Variants in PLA2G4E observed in about 807,000 individuals in gnomAD.
PLA2G4E encodes phospholipase A2 group IVE, also known as cytosolic phospholipase A2 epsilon.
In PLA2G4E, 84 loss-of-function variants were observed where a neutral mutation model predicts 109.1. That is an observed-to-expected ratio of 0.77 (90% CI 0.65 to 0.92). PLA2G4E has a LOEUF of 0.92. PLA2G4E is among the 40% of genes least tolerant of loss of function. PLA2G4E has a pLI of 0.00. For synonymous variants in PLA2G4E, 469 were observed against 436.1 expected, an observed-to-expected ratio of 1.08 and a Z score of -0.94; for missense variants, 1,057 against 1,076.6, an observed-to-expected ratio of 0.98 and a Z score of 0.25.
chr15:42,036,880 T>C (rs1013156373), intron 1 of PLA2G4E, among the ~76,000 whole-genome samples: 1 of 152,168 alleles, frequency 6.6e-6, no homozygotes, highest in Non-Finnish European at 1.5e-5. Context: ...CCCCCCGGCC[T>C]TGCAGGCTTG....
At chr15:42,049,966 T>C (rs72727731) in intron 1 of PLA2G4E, among the ~76,000 whole-genome samples, 24,772 of 152,208 alleles carry the variant, frequency 0.16, 2,054 homozygotes, top group Middle Eastern at 0.22. Flanking sequence ...ATTGCGTATT[T>C]GCTCATAGGT....
intron 2 of PLA2G4E, among the ~76,000 whole-genome samples, chr15:42,011,790 C>T (rs555242037): frequency 3.9e-4 from 60 of 152,196 alleles, no homozygotes; most frequent in African/African-American, 1.3e-3. Context: ...AAGGTAAGCA[C>T]TGCTGTGGAT....
intron 2 of PLA2G4E, among the ~76,000 whole-genome samples, 194 bp downstream of exon 2, chr15:42,013,491 A>G (rs1566844421): frequency 6.6e-6 from 1 of 152,352 alleles, no homozygotes; most frequent in East Asian, 1.9e-4. Context: ...AGAAACCCCA[A>G]AGTCTGAACT....
intron 3 of PLA2G4E, 45 bp from the exon 4 acceptor site, chr15:42,006,166 T>G: frequency 6.2e-7 from 1 of 1,608,634 alleles, no homozygotes. Flanking sequence ...ACGGTTGCAT[T>G]GACCCCTTCC....
intron 6 of PLA2G4E, 26 bp from the exon 7 acceptor site, chr15:42,001,246 G>C (rs765118141): frequency 1.9e-6 from 3 of 1,594,054 alleles, no homozygotes; most frequent in South Asian, 2.2e-5. Context: ...GAGGGTCACA[G>C]AGTGTCTGAG....
At chr15:42,037,335 C>T (rs1889235181) in intron 1 of PLA2G4E, among the ~76,000 whole-genome samples, 1 of 152,228 alleles carries the variant, frequency 6.6e-6, no homozygotes, top group Non-Finnish European at 1.5e-5. Flanking sequence ...TTCCTCCCCT[C>T]GAAGCCCTGG....
At chr15:42,003,581 G>C (rs1486031772) in intron 5 of PLA2G4E, among the ~76,000 whole-genome samples, 1 of 152,214 alleles carries the variant, frequency 6.6e-6, no homozygotes, top group African/African-American at 2.4e-5. Flanking sequence ...GGAGAGCTTC[G>C]ATTTTCTTCA....
intron 4 of PLA2G4E, 110 bp from the exon 5 acceptor site, chr15:42,005,088 C>A (rs903898320): frequency 1.1e-5 from 14 of 1,280,498 alleles, no homozygotes; most frequent in Non-Finnish European, 1.3e-5. Context: ...GTCCTTCCCC[C>A]ACAGCTGCCT....
At chr15:42,047,468 G>T (rs1384537283) in intron 1 of PLA2G4E, among the ~76,000 whole-genome samples, 1 of 152,122 alleles carries the variant, frequency 6.6e-6, no homozygotes, top group Non-Finnish European at 1.5e-5. Context: ...AAAACGACAT[G>T]AATTCATCCA....
At chr15:42,007,864 C>G (rs1339473530) in exon 3 of PLA2G4E, 1 of 1,600,432 alleles carries the variant, frequency 6.2e-7, no homozygotes, top group African/African-American at 1.3e-5. Flanking sequence ...CTGTCTGGCT[C>G]ACTGTCCAAG....
rs199941779 is a variant in PLA2G4E at position 41,987,267 on chromosome 15, G to A, written c.1940C>T (p.Thr647Ile). 9.8e-5 allele frequency: 158 copies of A among 1,613,886 alleles called. No individual in the cohort carries two copies. Among genetic ancestry groups the A allele is most frequent in the Non-Finnish European group, 1.2e-4 (143 of 1,179,886 alleles). The stretch of plus-strand genomic sequence containing the variant: ...AAACTCAGACACGAAGGACCGATGG[G>A]TAAGGATTTCTCGGAAAGAATTGGA... The change falls in exon 17 of 20, where the codon ACC becomes ATC. Residue 647 changes from threonine to isoleucine, a missense_variant. Thr to Ile is a moderately conservative substitution (Grantham distance 89). Transcript: ENST00000399518.
intron 2 of PLA2G4E, chr15:42,009,098 T>C (rs1595567499): frequency 6.6e-6 from 1 of 152,148 alleles, no homozygotes; most frequent in East Asian, 1.9e-4. Flanking sequence ...ACAGCCCTCC[T>C]CCTATTGAAG....
intron 11 of PLA2G4E, among the ~76,000 whole-genome samples, chr15:41,996,350 GAAAAAAAA>G (rs34559872): frequency 0.2 from 15,390 of 75,342 alleles, 1,322 homozygotes; most frequent in South Asian, 0.3. Flanking sequence ...CCTGTCTCAA[GAAAAAAAA>G]AAAAAAAAAA....
chr15:41,991,260 C>CCAAA, intron 13 of PLA2G4E, among the ~76,000 whole-genome samples: 1 of 152,336 alleles, frequency 6.6e-6, no homozygotes, highest in Non-Finnish European at 1.5e-5. Flanking sequence ...CTCCTTCCCA[C>CCAAA]CAAACCCCCA....
chr15:42,022,676 T>G (rs2068658899), intron 1 of PLA2G4E, among the ~76,000 whole-genome samples: 1 of 152,146 alleles, frequency 6.6e-6, no homozygotes, highest in African/African-American at 2.4e-5. Flanking sequence ...GGAGGTGGGT[T>G]TCAGGTGGTA....
chr15:42,045,094 G>T (rs1889390743), intron 1 of PLA2G4E, among the ~76,000 whole-genome samples: 1 of 152,222 alleles, frequency 6.6e-6, no homozygotes, highest in South Asian at 2.1e-4. Flanking sequence ...GGTACACAGG[G>T]CTGGTCTTGA....
At chr15:41,997,832 G>A (rs1484564880) in intron 10 of PLA2G4E, 1 of 151,904 alleles carries the variant, frequency 6.6e-6, no homozygotes, top group African/African-American at 2.4e-5. Flanking sequence ...TGATCTCATT[G>A]TGTCACCTCA....
At chr15:41,991,293 G>A (rs1040779848) in intron 13 of PLA2G4E, among the ~76,000 whole-genome samples, 2 of 152,156 alleles carry the variant, frequency 1.3e-5, no homozygotes, top group African/African-American at 4.8e-5. Context: ...TCCTGATGTC[G>A]GAAGACTCGG....
chr15:41,991,206 G>T (rs552615931), intron 13 of PLA2G4E, among the ~76,000 whole-genome samples: 1 of 152,132 alleles, frequency 6.6e-6, no homozygotes, highest in Non-Finnish European at 1.5e-5. Context: ...CAAGAGCAGA[G>T]GCCTCTCAAC....
Sources: allele counts gnomAD v4.1 joint callset (sites outside exome capture counted in the v4.1 genomes callset), GRCh38; gene constraint gnomAD v4.1.1; transcripts MANE v1.5; gene names NCBI Gene and HGNC (gene_info 2026-07-23, HGNC 2026-07-21).